The following NRXN3 variants were observed in gnomAD, a reference collection of about 807,000 sequenced individuals.
The protein encoded by NRXN3 is neurexin III.
In NRXN3, 32 loss-of-function variants were observed where a neutral mutation model predicts 137.6. That is an observed-to-expected ratio of 0.23 (90% confidence interval 0.18 to 0.31). The LOEUF (loss-of-function observed/expected upper bound fraction) is 0.31, where lower values mean the gene tolerates loss of function less well. Ranked by LOEUF, NRXN3 falls within the 10% of genes least tolerant of loss-of-function variation. NRXN3 has a pLI of 1.00. For missense variants in NRXN3, 1,574 were observed against 2,062.5 expected, an observed-to-expected ratio of 0.76 and a Z score of 4.59; for synonymous variants, 798 against 784.5, an observed-to-expected ratio of 1.02 and a Z score of -0.29.
At chr14:79,281,982 G>A (rs1824945038) in intron 15 of NRXN3, 2 of 152,184 alleles carry the variant, frequency 1.3e-5, no homozygotes, top group African/African-American at 4.8e-5. Flanking sequence ...TTTATTTGAT[G>A]GAGTTGTCAA....
intron 16 of NRXN3, among the ~76,000 whole-genome samples, chr14:79,514,390 T>G (rs1172624583): frequency 6.6e-6 from 1 of 152,172 alleles, no homozygotes; most frequent in Non-Finnish European, 1.5e-5. Flanking sequence ...GAATAATTTC[T>G]GCTTGCCATT....
chr14:78,673,412 G>A (rs188372227), intron 6 of NRXN3, among the ~76,000 whole-genome samples: 22 of 152,324 alleles, frequency 1.4e-4, no homozygotes, highest in Non-Finnish European at 2.1e-4. Flanking sequence ...GATGCCAGCG[G>A]TGTCATCCAT....
chr14:78,543,649 C>G (rs1220588119), intron 4 of NRXN3, among the ~76,000 whole-genome samples: 2 of 151,988 alleles, frequency 1.3e-5, no homozygotes. Context: ...CCATGGCTGA[C>G]CTCAGTGATG....
chr14:79,016,254 T>TGAGA (rs2099579071), intron 15 of NRXN3, among the ~76,000 whole-genome samples: 6 of 151,450 alleles, frequency 4.0e-5, no homozygotes, highest in African/African-American at 7.3e-5. Context: ...GGCCATCCTT[T>TGAGA]TCTACACTTC....
chr14:79,141,325 T>C (rs1023394605), intron 15 of NRXN3, among the ~76,000 whole-genome samples: 14 of 152,214 alleles, frequency 9.2e-5, no homozygotes, highest in Admixed American at 3.3e-4. Flanking sequence ...ATTGTCCCCT[T>C]GTCCATATCA....
At chr14:79,032,619 C>A (rs2099609924) in intron 15 of NRXN3, among the ~76,000 whole-genome samples, 1 of 152,190 alleles carries the variant, frequency 6.6e-6, no homozygotes, top group Admixed American at 6.6e-5. Flanking sequence ...TAAGCCACAC[C>A]ATAACTGACT....
At chr14:78,316,308 G>A (rs1449790781) in intron 4 of NRXN3, among the ~76,000 whole-genome samples, 1 of 152,078 alleles carries the variant, frequency 6.6e-6, no homozygotes, top group Non-Finnish European at 1.5e-5. Context: ...GACAGCTGTG[G>A]GGGTAGGGTG....
At chr14:78,639,791 C>G (rs139385645) in intron 4 of NRXN3, among the ~76,000 whole-genome samples, 1 of 152,084 alleles carries the variant, frequency 6.6e-6, no homozygotes, top group South Asian at 2.1e-4. Context: ...GGAAATGGCA[C>G]TCCGTAGTAC....
At chr14:79,613,810 C>G (rs761459854) in intron 16 of NRXN3, among the ~76,000 whole-genome samples, 1 of 152,202 alleles carries the variant, frequency 6.6e-6, no homozygotes, top group Admixed American at 6.5e-5. Context: ...CTAAGTCAAC[C>G]TTTCATTTTA....
At chr14:78,258,470 G>T (rs1002003063) in intron 2 of NRXN3, among the ~76,000 whole-genome samples, 3 of 152,120 alleles carry the variant, frequency 2.0e-5, no homozygotes, top group Non-Finnish European at 2.9e-5. Context: ...CAAGTTTCAG[G>T]GTGGTTGTTG....
intron 10 of NRXN3, among the ~76,000 whole-genome samples, chr14:78,853,480 G>T (rs888712768): frequency 6.6e-6 from 1 of 151,824 alleles, no homozygotes; most frequent in Admixed American, 6.6e-5. Context: ...TCATCACCCA[G>T]GTATTAAGCC....
intron 8 of NRXN3, among the ~76,000 whole-genome samples, chr14:78,798,085 C>T (rs138235085): frequency 0.037 from 5,600 of 152,278 alleles, 133 homozygotes; most frequent in Non-Finnish European, 0.058. Context: ...CAAAACCAGT[C>T]ATGCTTTCCC....
At chr14:78,653,760 A>G (rs961052991) in intron 6 of NRXN3, among the ~76,000 whole-genome samples, 1 of 137,184 alleles carries the variant, frequency 7.3e-6, no homozygotes, top group Non-Finnish European at 1.6e-5. Context: ...CTGCCCAGAT[A>G]GAGAGCAGAA....
intron 15 of NRXN3, among the ~76,000 whole-genome samples, chr14:79,367,972 T>C (rs1434459423): frequency 1.3e-5 from 2 of 152,182 alleles, no homozygotes; most frequent in African/African-American, 4.8e-5. Context: ...TAACCAAAGA[T>C]AAATAAATAA....
intron 15 of NRXN3, chr14:79,072,607 G>A (rs1012604297): frequency 3.3e-5 from 5 of 151,768 alleles, no homozygotes; most frequent in African/African-American, 1.2e-4. Flanking sequence ...AAAATCACCT[G>A]TAACCTTGAA....
At chr14:79,527,091 C>T (rs567240431) in intron 16 of NRXN3, among the ~76,000 whole-genome samples, 16 of 151,816 alleles carry the variant, frequency 1.1e-4, no homozygotes, top group African/African-American at 3.6e-4. Context: ...CTCAGGAGTT[C>T]GAGACCAGCC....
At chr14:79,666,426 G>A (rs2098557249) in intron 17 of NRXN3, among the ~76,000 whole-genome samples, 1 of 151,998 alleles carries the variant, frequency 6.6e-6, no homozygotes, top group African/African-American at 2.4e-5. Context: ...TTTAAATTAG[G>A]ACATATTTTT....
intron 10 of NRXN3, among the ~76,000 whole-genome samples, chr14:78,921,131 C>T (rs907806160): frequency 1.3e-5 from 2 of 152,180 alleles, no homozygotes; most frequent in African/African-American, 2.4e-5. Flanking sequence ...ACCCTTTTCT[C>T]CCCCATGAGT....
At chr14:79,832,080 T>A (rs2099325636) in intron 20 of NRXN3, among the ~76,000 whole-genome samples, 1 of 152,260 alleles carries the variant, frequency 6.6e-6, no homozygotes, top group African/African-American at 2.4e-5. Flanking sequence ...TACATATAAC[T>A]TACACACATA....
Sources: gnomAD v4.1 joint callset for allele counts (sites outside exome capture counted in the v4.1 genomes callset) on GRCh38, gnomAD v4.1.1 for gene constraint, MANE v1.5 for transcripts, NCBI Gene and HGNC (gene_info 2026-07-23, HGNC 2026-07-21) for gene names.